H2AJ: variants seen among roughly 807,000 people sequenced by gnomAD.
H2AJ encodes histone H2A.J.
H2AJ carries 3 observed loss-of-function variants against 7.9 expected under a neutral mutation model. The ratio of observed to expected loss-of-function variants is 0.38; its 90% confidence interval spans 0.17 to 0.98. The LOEUF (loss-of-function observed/expected upper bound fraction) is 0.98, where lower values mean the gene tolerates loss of function less well. Ranked by LOEUF, H2AJ falls within the 50% of genes least tolerant of loss-of-function variation. The pLI is 0.39. For synonymous variants in H2AJ, 98 were observed against 85.7 expected, an observed-to-expected ratio of 1.14 and a Z score of -0.79; for missense variants, 128 against 174.4, an observed-to-expected ratio of 0.73 and a Z score of 1.50.
Position 14,774,577 on chromosome 12 carries a change from G to T in H2AJ, c.107G>T (p.Arg36Leu), listed in dbSNP as rs1949602355. 1 of 1,613,976 alleles carries T rather than the reference G, an allele frequency of 6.2e-7. No individual in the cohort carries two copies. The highest frequency in any genetic ancestry group is 8.5e-7 in the Non-Finnish European group (1 of 1,179,972). The change falls in exon 1 of 1, where the codon CGC (arginine) becomes CTC (leucine). Residue 36 changes from arginine (R) to leucine (L), a missense_variant. Physicochemically the swap from Arg to Leu is moderately radical, Grantham distance 102 (BLOSUM62 -2). Coordinates refer to ENST00000544848, the MANE Select transcript of H2AJ (RefSeq NM_177925.5). Reference sequence around the variant, plus strand: ...GTGGGCCGAGTGCACAGACTGCTGCGCAAAGGGAACTACGCGGAGCGAGTG... The same window carrying T: ...GTGGGCCGAGTGCACAGACTGCTGCTCAAAGGGAACTACGCGGAGCGAGTG... The part of the protein sequence containing the change: ...FPVGRVHRLL[R>L]KGNYAERVGA...
chr12:14,774,848 G>C lies in H2AJ; in HGVS notation c.378G>C (p.Thr126=), dbSNP rs373808756. 1 of 1,614,114 alleles carries C rather than the reference G, an allele frequency of 6.2e-7. No individual in the cohort carries two copies. Among genetic ancestry groups the C allele is most frequent in the Non-Finnish European group, 8.5e-7 (1 of 1,179,974 alleles). The change falls in exon 1 of 1, where the codon ACG becomes ACC. Residue 126 remains threonine, a synonymous_variant. Coordinates refer to ENST00000544848, the MANE Select transcript of H2AJ (RefSeq NM_177925.5). ...LLPKKTESQK[T]KSK ...CCAAGAAGACGGAGAGTCAGAAGAC[G>C]AAGAGCAAATGACCCTGACGCCGCC...
downstream of H2AJ, chr12:14,776,310 G>T (rs1592207827): frequency 6.0e-6 from 1 of 167,040 alleles, no homozygotes; most frequent in African/African-American, 2.4e-5. Context: ...CCACTCTCTC[G>T]GAGCTCACTT....
At chr12:14,775,645 A>C (rs1013717507), downstream of H2AJ, 2 of 337,204 alleles carry the variant, frequency 5.9e-6, no homozygotes, top group Admixed American at 4.2e-5. Flanking sequence ...CGTGGGTTAC[A>C]TATGCTTGAG....
Position 14,774,862 on chromosome 12 carries a change from C to T in H2AJ, c.*2C>T. ...AGTCAGAAGACGAAGAGCAAATGAC[C>T]CTGACGCCGCCCTCAGGGAGCTGGC... On this transcript the variant is annotated 3_prime_UTR_variant, in exon 1 of 1. Transcript: ENST00000544848. 2 of 1,612,628 alleles carry T rather than the reference C, an allele frequency of 1.2e-6. No individual in the cohort carries two copies. Among genetic ancestry groups the T allele is most frequent in the Non-Finnish European group, 1.7e-6 (2 of 1,179,220 alleles).
downstream of H2AJ, chr12:14,775,527 T>C: frequency 2.5e-6 from 1 of 402,070 alleles, no homozygotes; most frequent in Non-Finnish European, 5.1e-6. Flanking sequence ...ATAGCACTTT[T>C]ATGTTCATAT....
In H2AJ at chr12:14,774,532, G is replaced by A; in HGVS notation, c.62G>A (p.Arg21His). Residue 21 changes from arginine to histidine, a missense_variant, in exon 1 of 1, where the codon CGC becomes CAC. Coordinates refer to ENST00000544848, the MANE Select transcript of H2AJ (RefSeq NM_177925.5). ...GCAAAGGCCAAATCCCGCTCCTCCC[G>A]CGCGGGCCTGCAGTTCCCGGTGGGC... ...VRAKAKSRSS[R>H]AGLQFPVGRV... 6.2e-7 allele frequency: 1 copy of A among 1,609,050 alleles called. No individual in the cohort carries two copies. Among genetic ancestry groups the A allele is most frequent in the South Asian group, 1.1e-5 (1 of 90,758 alleles).
At chr12:14,776,436 C>T (rs540540375), downstream of H2AJ, 9 of 167,252 alleles carry the variant, frequency 5.4e-5, no homozygotes, top group East Asian at 1.7e-3. Flanking sequence ...GATGGAATTA[C>T]TTCTCCCATG....
downstream of H2AJ, chr12:14,775,863 T>C (rs1203277564): frequency 5.8e-6 from 1 of 172,340 alleles, no homozygotes; most frequent in Non-Finnish European, 1.4e-5. Context: ...GTAATGTCTT[T>C]GGGAGTTGCA....
At chr12:14,776,903 C>G (rs1472669107), downstream of H2AJ, 1 of 167,070 alleles carries the variant, frequency 6.0e-6, no homozygotes, top group Non-Finnish European at 1.5e-5. Flanking sequence ...CTTTGCCTTC[C>G]CCTGGGAAGA....
At position 14,774,585 on chromosome 12, in the gene H2AJ, A is replaced by C; in HGVS notation, c.115A>C (p.Asn39His). 6.2e-7 allele frequency: 1 copy of C among 1,613,836 alleles called. No individual in the cohort carries two copies. Residue 39 changes from asparagine (N) to histidine (H), a missense_variant, in exon 1 of 1, where the codon AAC becomes CAC. Transcript: ENST00000544848. Reference sequence around the variant, plus strand: ...AGTGCACAGACTGCTGCGCAAAGGGAACTACGCGGAGCGAGTGGGCGCCGG... The same window carrying C: ...AGTGCACAGACTGCTGCGCAAAGGGCACTACGCGGAGCGAGTGGGCGCCGG... ...GRVHRLLRKG[N>H]YAERVGAGAP...
At position 14,774,740 on chromosome 12, in the gene H2AJ, C is replaced by A; in HGVS notation, c.270C>A (p.Asn90Lys). ...IPRHLQLAIR[N>K]DEELNKLLGK... is the part of the protein sequence containing the mutation. Reference sequence around the variant, plus strand: ...GCCACCTGCAGCTCGCCATCCGCAACGACGAGGAGTTAAACAAGCTGCTGG... The same window carrying A: ...GCCACCTGCAGCTCGCCATCCGCAAAGACGAGGAGTTAAACAAGCTGCTGG... The change falls in exon 1 of 1, where the codon AAC becomes AAA. Residue 90 changes from asparagine to lysine, a missense_variant. Physicochemically the swap from Asn to Lys is moderately conservative, Grantham distance 94. Transcript: ENST00000544848. 1 of 1,614,202 alleles carries A rather than the reference C, an allele frequency of 6.2e-7. No individual in the cohort carries two copies.
In H2AJ at chr12:14,774,982, C is replaced by T. The variant is rs1371765120; in HGVS notation, c.*122C>T. ...CGGTGACATCTAGCGGGGAGGTGGG[C>T]GGCGAGGGTCCCGGCGGGAGCCAAT... On this transcript the variant is annotated 3_prime_UTR_variant, in exon 1 of 1. Transcript: ENST00000544848. The T allele has an allele frequency of 5.1e-6, 6 of 1,167,052 alleles. No individual in the cohort carries two copies. In the African/African-American group the frequency reaches 6.2e-5, roughly 12 times the overall value. The allele number at this position is 1,167,052 out of a possible 1,614,324, so 72.3% of individuals were successfully genotyped here.
downstream of H2AJ, chr12:14,776,318 C>T (rs1949639936): frequency 6.0e-6 from 1 of 167,202 alleles, no homozygotes; most frequent in East Asian, 1.9e-4. Flanking sequence ...TCGGAGCTCA[C>T]TTTATTTTTA....
chr12:14,774,489 C>G lies in H2AJ; in HGVS notation c.19C>G (p.Gln7Glu). The G allele has an allele frequency of 6.3e-7, 1 of 1,575,716 alleles. No homozygotes were observed. Among genetic ancestry groups the G allele is most frequent in the Non-Finnish European group, 8.6e-7 (1 of 1,162,692 alleles). Reference protein sequence around the residue: MSGRGKQGGKVRAKAKS... With the variant: MSGRGKEGGKVRAKAKS... Reference sequence around the variant, plus strand: ...GGTGATCATGTCCGGTCGCGGGAAACAGGGCGGCAAAGTGCGAGCAAAGGC... The same window carrying G: ...GGTGATCATGTCCGGTCGCGGGAAAGAGGGCGGCAAAGTGCGAGCAAAGGC... The change falls in exon 1 of 1, where the codon CAG (glutamine) becomes GAG (glutamate). Residue 7 changes from glutamine (Q) to glutamate (E), a missense_variant. Gln to Glu is a conservative substitution (Grantham distance 29, BLOSUM62 2). Transcript: ENST00000544848.
downstream of H2AJ, chr12:14,776,850 A>G (rs925482249): frequency 1.8e-5 from 3 of 167,140 alleles, no homozygotes; most frequent in Non-Finnish European, 2.9e-5. Context: ...AATGATGAAG[A>G]AATAAGGACA....
chr12:14,774,615 C>T lies in H2AJ; in HGVS notation c.145C>T (p.Pro49Ser), dbSNP rs773525444. ...CGCGGAGCGAGTGGGCGCCGGGGCG[C>T]CGGTGTACCTGGCGGCGGTGTTGGA... is the stretch of plus-strand genomic sequence containing the variant. ...NYAERVGAGAPVYLAAVLEYL... is the reference protein window; with the variant it reads ...NYAERVGAGASVYLAAVLEYL... Residue 49 changes from proline to serine, a missense_variant, in exon 1 of 1, where the codon CCG (proline) becomes TCG (serine). Transcript: ENST00000544848. The T allele has an allele frequency of 2.5e-6, 4 of 1,614,058 alleles. No individual in the cohort carries two copies. Among genetic ancestry groups the T allele is most frequent in the South Asian group, 2.2e-5 (2 of 91,064 alleles).
Position 14,774,446 on chromosome 12 carries a change from C to T in H2AJ, c.-25C>T. ...CGCCGAGAGCGGTTTGTCTCCGTCT[C>T]TGGAGTTGTAGGCGAGAGGTGATCA... On this transcript the variant is annotated 5_prime_UTR_variant, in exon 1 of 1. Transcript: ENST00000544848. The T allele has an allele frequency of 6.5e-7, 1 of 1,537,440 alleles. No individual in the cohort carries two copies. The highest frequency in any genetic ancestry group is 8.7e-7 in the Non-Finnish European group (1 of 1,144,360).
downstream of H2AJ, chr12:14,775,320 A>G (rs1173190239): frequency 2.1e-6 from 1 of 471,618 alleles, no homozygotes; most frequent in Non-Finnish European, 4.4e-6. Context: ...GTTTGTGAGC[A>G]CTCAGGACCA....
rs1474217083 is a variant in H2AJ at position 14,774,892 on chromosome 12, C to T, written c.*32C>T. ...CGCCGCCCTCAGGGAGCTGGCTCCCCCAGCAAAGGCCCTTTTCATGGTCGT... is the reference window on the plus strand; with the variant it reads ...CGCCGCCCTCAGGGAGCTGGCTCCCTCAGCAAAGGCCCTTTTCATGGTCGT... On this transcript the variant is annotated 3_prime_UTR_variant, in exon 1 of 1. Coordinates refer to ENST00000544848, the MANE Select transcript of H2AJ (RefSeq NM_177925.5). 2.5e-6 allele frequency: 4 copies of T among 1,597,962 alleles called. No homozygotes were observed. The South Asian group carries it at 4.5e-5, about 18-fold the overall frequency.
Sources: allele counts gnomAD v4.1 joint callset, GRCh38; gene constraint gnomAD v4.1.1; transcripts MANE v1.5; gene names NCBI Gene and HGNC (gene_info 2026-07-23, HGNC 2026-07-21).